The following GABBR2 variants were observed in gnomAD, a reference collection of about 807,000 sequenced individuals.
The protein encoded by GABBR2 is G-protein coupled receptor 51.
In GABBR2, 23 loss-of-function variants were observed where a neutral mutation model predicts 105.6. That is an observed-to-expected ratio of 0.22 (90% CI 0.16 to 0.31). GABBR2 has a LOEUF of 0.31. Among genes scored for constraint, GABBR2 ranks in the 10% least tolerant of loss-of-function variants. The probability of loss-of-function intolerance (pLI) is 1.00; values close to 1 mark genes in which losing one functional copy is unlikely to be tolerated. For missense variants in GABBR2, 734 were observed against 1,245.5 expected (o/e 0.59, Z 6.18); for synonymous variants, 478 against 499.7 (o/e 0.96, Z 0.58).
At chr9:98,423,115 G>A (rs1832813435) in intron 7 of GABBR2, among the ~76,000 whole-genome samples, 1 of 152,142 alleles carries the variant, frequency 6.6e-6, no homozygotes, top group South Asian at 2.1e-4. Flanking sequence ...ATAGTCCTTT[G>A]GGTATATACC....
intron 1 of GABBR2, chr9:98,606,995 G>A (rs1829434266): frequency 3.4e-6 from 3 of 877,640 alleles, no homozygotes; most frequent in East Asian, 2.5e-5. Context: ...CATGTCGCTC[G>A]GTAGCTCAAC....
chr9:98,568,289 G>A (rs867577021), intron 2 of GABBR2, among the ~76,000 whole-genome samples: 1 of 150,886 alleles, frequency 6.6e-6, no homozygotes, highest in Non-Finnish European at 1.5e-5. Context: ...TGTCTTTAGG[G>A]TACCACAGTC....
intron 3 of GABBR2, among the ~76,000 whole-genome samples, chr9:98,510,909 T>C (rs993073408): frequency 1.3e-5 from 2 of 152,162 alleles, no homozygotes; most frequent in African/African-American, 4.8e-5. Context: ...GCAGACCTAA[T>C]AGACATCTAC....
At chr9:98,673,609 A>G (rs1299751067) in intron 1 of GABBR2, among the ~76,000 whole-genome samples, 1 of 151,504 alleles carries the variant, frequency 6.6e-6, no homozygotes, top group African/African-American at 2.4e-5. Flanking sequence ...GGGAATAAAA[A>G]GATTTTAGAA....
At chr9:98,407,028 A>G (rs1368810935) in intron 7 of GABBR2, among the ~76,000 whole-genome samples, 1 of 152,240 alleles carries the variant, frequency 6.6e-6, no homozygotes, top group Non-Finnish European at 1.5e-5. Flanking sequence ...ACACAAGGTC[A>G]CTGTAAGTGA....
chr9:98,454,247 A>C lies in GABBR2; in HGVS notation c.1000-30T>G. 6.9e-7 allele frequency: 1 copy of C among 1,452,726 alleles called. No homozygotes were observed. Among genetic ancestry groups the C allele is most frequent in the Non-Finnish European group, 9.7e-7 (1 of 1,032,748 alleles). The allele number at this position is 1,452,726 out of a possible 1,614,324, so 90.0% of individuals were successfully genotyped here. A position where few individuals can be genotyped will look rare whatever the true frequency, so the allele number is the denominator to read the frequency against. ...AAAAACAGGGGATTGGGGGAATCCCAAGTTATACTCGGCAGGGACATCAGG... is the reference window on the plus strand; with the variant it reads ...AAAAACAGGGGATTGGGGGAATCCCCAGTTATACTCGGCAGGGACATCAGG... On this transcript the variant is annotated intron_variant, in intron 6 of 18. Transcript: ENST00000259455. The surrounding 1 kb of genome is among the most constrained non-coding windows in gnomAD (Gnocchi z 4.6).
intron 1 of GABBR2, among the ~76,000 whole-genome samples, chr9:98,670,545 G>A (rs1830394775): frequency 6.6e-6 from 1 of 152,234 alleles, no homozygotes; most frequent in South Asian, 2.1e-4. Flanking sequence ...GTTCATAGCA[G>A]CATTATTCAG....
At chr9:98,373,857 T>C (rs1363977284) in intron 11 of GABBR2, among the ~76,000 whole-genome samples, 1 of 139,296 alleles carries the variant, frequency 7.2e-6, no homozygotes, top group Admixed American at 7.0e-5. Context: ...ATTCCTTTTT[T>C]TTTTTTTTTT....
chr9:98,683,994 C>G (rs1416279123), intron 1 of GABBR2, among the ~76,000 whole-genome samples: 1 of 104,566 alleles, frequency 9.6e-6, no homozygotes, highest in Non-Finnish European at 1.7e-5. Context: ...GGCGACAGAG[C>G]GAGACTCCAT....
At chr9:98,605,153 T>C (rs914594892) in intron 1 of GABBR2, among the ~76,000 whole-genome samples, 5 of 152,334 alleles carry the variant, frequency 3.3e-5, no homozygotes, top group African/African-American at 1.2e-4. Flanking sequence ...AATGCCCCTC[T>C]CCTTCTGTTG....
At chr9:98,473,731 T>C (rs1826733866) in intron 5 of GABBR2, among the ~76,000 whole-genome samples, 1 of 152,158 alleles carries the variant, frequency 6.6e-6, no homozygotes. Flanking sequence ...ACTCTCATTA[T>C]CAATAAGGAG....
intron 15 of GABBR2, among the ~76,000 whole-genome samples, chr9:98,305,627 C>T (rs955222795): frequency 2.6e-5 from 4 of 152,192 alleles, no homozygotes; most frequent in Non-Finnish European, 4.4e-5. Context: ...CCAGCTTGGG[C>T]AACATAGGGA....
chr9:98,445,343 A>G (rs908253784), intron 7 of GABBR2, among the ~76,000 whole-genome samples: 1 of 152,198 alleles, frequency 6.6e-6, no homozygotes, highest in African/African-American at 2.4e-5. Context: ...GAACCCTCCA[A>G]TCGGGTGTGG....
intron 1 of GABBR2, among the ~76,000 whole-genome samples, chr9:98,672,044 T>C (rs1004769465): frequency 1.1e-4 from 17 of 152,230 alleles, no homozygotes; most frequent in Non-Finnish European, 1.8e-4. Flanking sequence ...AGAAATATAA[T>C]TTTTAATTGT....
At chr9:98,301,818 G>C (rs1425118429) in intron 16 of GABBR2, among the ~76,000 whole-genome samples, 1 of 152,162 alleles carries the variant, frequency 6.6e-6, no homozygotes, top group Admixed American at 6.5e-5. Context: ...TGGGCTTTGG[G>C]GGACAGAAAC....
At chr9:98,562,107 A>C (rs1198742810) in intron 2 of GABBR2, among the ~76,000 whole-genome samples, 3 of 152,154 alleles carry the variant, frequency 2.0e-5, no homozygotes, top group African/African-American at 7.2e-5. Context: ...CAAGTGATCA[A>C]ATTTAGTATC....
chr9:98,686,390 GTT>G (rs60124722), intron 1 of GABBR2, among the ~76,000 whole-genome samples: 3 of 152,018 alleles, frequency 2.0e-5, no homozygotes, highest in African/African-American at 7.2e-5. Context: ...AATAAAATCT[GTT>G]TTTTTTGTTT....
chr9:98,551,239 C>T (rs1828480708), intron 2 of GABBR2, among the ~76,000 whole-genome samples: 1 of 152,064 alleles, frequency 6.6e-6, no homozygotes, highest in Non-Finnish European at 1.5e-5. Flanking sequence ...CCTGTCTCTA[C>T]TAAAAATACA....
intron 1 of GABBR2, among the ~76,000 whole-genome samples, chr9:98,622,069 T>G (rs1280689070): frequency 6.6e-6 from 1 of 152,222 alleles, no homozygotes; most frequent in Non-Finnish European, 1.5e-5. Context: ...ATATTATAAT[T>G]ATCAGAGCAT....
Sources: gnomAD v4.1 joint callset for allele counts (sites outside exome capture counted in the v4.1 genomes callset) on GRCh38, gnomAD v4.1.1 for gene constraint, Gnocchi (gnomAD v3.1) non-coding constraint, MANE v1.5 for transcripts, NCBI Gene and HGNC (gene_info 2026-07-23, HGNC 2026-07-21) for gene names.